FBXW7: variants seen among roughly 807,000 people sequenced by gnomAD.
FBXW7 encodes F-box and WD repeat domain containing 7.
Under a neutral mutation model 86.3 loss-of-function variants are expected in FBXW7, and 11 were observed. The ratio of observed to expected loss-of-function variants is 0.13; its 90% CI spans 0.08 to 0.21. The LOEUF (loss-of-function observed/expected upper bound fraction) is 0.21. Ranked by LOEUF, FBXW7 falls within the 10% of genes least tolerant of loss-of-function variation. The pLI, the probability that FBXW7 is intolerant of heterozygous loss-of-function variation, is 1.00. For synonymous variants in FBXW7, 313 were observed against 297.9 expected, an observed-to-expected ratio of 1.05 and a Z score of -0.52; for missense variants, 488 against 847.4, an observed-to-expected ratio of 0.58 and a Z score of 5.27.
chr4:152,324,224 G>C lies in FBXW7; in HGVS notation c.1815C>G (p.Ile605Met), dbSNP rs1052609702. The change falls in exon 13 of 14, where the codon ATC becomes ATG. Residue 605 changes from isoleucine (I) to methionine (M), a missense_variant. Ile to Met is a conservative substitution (Grantham distance 10). Coordinates refer to ENST00000281708, the MANE Select transcript of FBXW7 (RefSeq NM_001349798.2). ...VSGNADSTVK[I>M]WDIKTGQCLQ... ...AACACTGTCCTGTTTTGATATCCCA[G>C]ATTTTAACTGTAGAATCTGCATTCC... The C allele has an allele frequency of 6.2e-7, 1 of 1,612,578 alleles. No homozygotes were observed. Among genetic ancestry groups the C allele is most frequent in the Non-Finnish European group, 8.5e-7 (1 of 1,179,428 alleles).
At chr4:152,356,389 A>AAATACTATG (rs1346615957) in intron 4 of FBXW7, among the ~76,000 whole-genome samples, 2 of 146,434 alleles carry the variant, frequency 1.4e-5, no homozygotes, top group Admixed American at 7.0e-5. Flanking sequence ...AATTAGTGGA[A>AAATACTATG]AATACTATGA....
chr4:152,462,040 C>T (rs1742996218), intron 2 of FBXW7, among the ~76,000 whole-genome samples: 1 of 152,196 alleles, frequency 6.6e-6, no homozygotes, highest in African/African-American at 2.4e-5. Context: ...CTGTGTGTCT[C>T]CCTTATAGTA....
chr4:152,475,691 G>A (rs992266952), intron 2 of FBXW7, among the ~76,000 whole-genome samples: 4 of 152,008 alleles, frequency 2.6e-5, no homozygotes, highest in African/African-American at 4.8e-5. Context: ...TGTAAAAATC[G>A]ACCATATTTT....
In FBXW7 at chr4:152,322,413, C is replaced by CT. The variant is rs1051999524; in HGVS notation, c.*467dup. On this transcript the variant is annotated 3_prime_UTR_variant, in exon 14 of 14. Transcript: ENST00000281708. ...AAGCTTTTCCACTCCAGAAAAATGA[C>CT]TTTTTGTTGCAGATGCTCTCTAATT... is the stretch of plus-strand genomic sequence containing the variant. The CT allele has an allele frequency of 4.5e-6, 1 of 221,358 alleles. No homozygotes were observed. The highest frequency in any genetic ancestry group is 8.9e-6 in the Non-Finnish European group (1 of 111,742). 13.7% of individuals were successfully genotyped at this position (221,358 alleles called of 1,614,324 possible). A position where few individuals can be genotyped will look rare whatever the true frequency, so the allele number is the denominator to read the frequency against.
chr4:152,334,188 T>C (rs1729848865), intron 7 of FBXW7, among the ~76,000 whole-genome samples: 1 of 152,190 alleles, frequency 6.6e-6, no homozygotes, highest in Non-Finnish European at 1.5e-5. Context: ...TGAAAAACTT[T>C]TTGTGAAATA....
At chr4:152,399,724 T>C (rs1579094952) in intron 4 of FBXW7, among the ~76,000 whole-genome samples, 1 of 152,212 alleles carries the variant, frequency 6.6e-6, no homozygotes. Context: ...CCCCCTGAAA[T>C]AAAATATTTA....
chr4:152,495,989 C>T (rs1372418310), intron 2 of FBXW7, among the ~76,000 whole-genome samples: 1 of 152,096 alleles, frequency 6.6e-6, no homozygotes, highest in African/African-American at 2.4e-5. Context: ...GCAGCCTGGG[C>T]AACATAGCAA....
rs148769501 is a variant in FBXW7 at position 152,332,600 on chromosome 4, T to G, written c.981A>C (p.Glu327Asp). ...DNLLWREKCK[E>D]EGIDEPLHIK... is the part of the protein sequence containing the mutation. ...CTATGCAATTTTGAACCTTACCCTC[T>G]TCTTTGCATTTCTCTCTCCAGAGAA... Residue 327 changes from glutamate to aspartate, a missense_variant, in exon 8 of 14, where the codon GAA (glutamate) becomes GAC (aspartate). Glu to Asp is a conservative substitution (Grantham distance 45). Coordinates refer to ENST00000281708, the MANE Select transcript of FBXW7 (RefSeq NM_001349798.2). The G allele has an allele frequency of 2.5e-6, 4 of 1,598,926 alleles. No homozygotes were observed. The highest frequency in any genetic ancestry group is 3.4e-6 in the Non-Finnish European group (4 of 1,170,308).
rs1430190382 is a variant in FBXW7 at position 152,320,688 on chromosome 4, C to T, written c.*2193G>A. The stretch of plus-strand genomic sequence containing the variant: ...TTTCCCTCTCAAACCTTGCTTTAGT[C>T]TGTCAAACTTTCTTAAAGAGCAGCA... On this transcript the variant is annotated 3_prime_UTR_variant, in exon 14 of 14. Transcript: ENST00000281708. 1 of 152,000 alleles carries T rather than the reference C, an allele frequency of 6.6e-6. No individual in the cohort carries two copies. Among genetic ancestry groups the T allele is most frequent in the East Asian group, 1.9e-4 (1 of 5,194 alleles). 9.4% of individuals were successfully genotyped at this position (152,000 alleles called of 1,614,324 possible). A position where few individuals can be genotyped will look rare whatever the true frequency, so the allele number is the denominator to read the frequency against.
At chr4:152,513,611 T>C (rs1170122978) in intron 2 of FBXW7, among the ~76,000 whole-genome samples, 1 of 152,224 alleles carries the variant, frequency 6.6e-6, no homozygotes, top group Non-Finnish European at 1.5e-5. Flanking sequence ...TCAATAAAGT[T>C]TACCATTGGT....
intron 2 of FBXW7, among the ~76,000 whole-genome samples, chr4:152,521,104 C>G (rs189148014): frequency 6.6e-6 from 1 of 152,038 alleles, no homozygotes. Context: ...TACAATGTGG[C>G]AGGAATGTTA....
At chr4:152,442,952 T>C (rs1022449161) in intron 2 of FBXW7, among the ~76,000 whole-genome samples, 5 of 152,258 alleles carry the variant, frequency 3.3e-5, no homozygotes, top group Admixed American at 2.0e-4. Context: ...AGGTGAAGAT[T>C]GAAAGAAGTA....
chr4:152,476,236 T>C (rs1374908011), intron 2 of FBXW7, among the ~76,000 whole-genome samples: 1 of 152,172 alleles, frequency 6.6e-6, no homozygotes, highest in Non-Finnish European at 1.5e-5. Flanking sequence ...GAAAAGATAG[T>C]CTCTTCAACA....
At chr4:152,369,413 T>C (rs890310659) in intron 4 of FBXW7, among the ~76,000 whole-genome samples, 1 of 152,084 alleles carries the variant, frequency 6.6e-6, no homozygotes, top group Non-Finnish European at 1.5e-5. Context: ...ATGGCTGGGA[T>C]GTTTTGTTCA....
chr4:152,345,175 A>G (rs911826314), intron 6 of FBXW7, among the ~76,000 whole-genome samples: 1 of 152,112 alleles, frequency 6.6e-6, no homozygotes, highest in Non-Finnish European at 1.5e-5. Flanking sequence ...CCTCTTATTG[A>G]CGGATAAATT....
chr4:152,340,451 C>A (rs887326144), intron 6 of FBXW7, among the ~76,000 whole-genome samples: 2 of 151,482 alleles, frequency 1.3e-5, no homozygotes, highest in African/African-American at 4.8e-5. Flanking sequence ...TCGTGGCGGG[C>A]GCCTGTAGTC....
intron 4 of FBXW7, among the ~76,000 whole-genome samples, chr4:152,363,616 C>A (rs145409942): frequency 2.4e-4 from 37 of 152,272 alleles, no homozygotes; most frequent in South Asian, 8.3e-4. Context: ...ATCAAAGATG[C>A]TGCAAACTTT....
chr4:152,477,027 A>G (rs759562969), intron 2 of FBXW7, among the ~76,000 whole-genome samples: 1 of 151,792 alleles, frequency 6.6e-6, no homozygotes, highest in Non-Finnish European at 1.5e-5. Flanking sequence ...TCACACTACT[A>G]TATGGGAACC....
At chr4:152,332,560 G>A (rs374613278) in intron 8 of FBXW7, 36 bp downstream of exon 8, 4 of 1,487,868 alleles carry the variant, frequency 2.7e-6, no homozygotes, top group African/African-American at 1.4e-5. Flanking sequence ...GCTTTTCAAA[G>A]TATAAACATA....
Sources: gnomAD v4.1 joint callset for allele counts (sites outside exome capture counted in the v4.1 genomes callset) on GRCh38, gnomAD v4.1.1 for gene constraint, MANE v1.5 for transcripts, NCBI Gene and HGNC (gene_info 2026-07-23, HGNC 2026-07-21) for gene names.